Variants in RAPGEF6 observed in about 807,000 individuals in gnomAD.
RAPGEF6 encodes the protein Rap guanine nucleotide exchange factor 6.
RAPGEF6 carries 56 observed loss-of-function variants against 171.4 expected under a neutral mutation model. The observed-to-expected ratio is 0.33, with a 90% CI of 0.26 to 0.41. The LOEUF is 0.41. Among genes scored for constraint, RAPGEF6 ranks in the 10% least tolerant of loss-of-function variants. RAPGEF6 has a pLI of 1.00. For synonymous variants in RAPGEF6, 692 were observed against 650.1 expected, an observed-to-expected ratio of 1.06 and a Z score of -0.98; for missense variants, 1,674 against 1,921.4, an observed-to-expected ratio of 0.87 and a Z score of 2.41.
intron 24 of RAPGEF6, among the ~76,000 whole-genome samples, chr5:131,435,355 G>A (rs907206724): frequency 1.3e-5 from 2 of 152,142 alleles, no homozygotes; most frequent in African/African-American, 4.8e-5. Context: ...GACCAAGAAA[G>A]TGGATGTAAT....
intron 7 of RAPGEF6, among the ~76,000 whole-genome samples, chr5:131,516,451 A>T (rs1758091068): frequency 6.6e-6 from 1 of 152,146 alleles, no homozygotes; most frequent in Non-Finnish European, 1.5e-5. Flanking sequence ...TTCTGAAGAG[A>T]TTGGCACTCC....
Position 131,454,168 on chromosome 5 carries a change from G to T in RAPGEF6, c.3077-991C>A, listed in dbSNP as rs548784866. Among the ~76,000 whole-genome samples, 6 of 152,276 alleles carry T rather than the reference G, an allele frequency of 3.9e-5. No individual in the cohort carries two copies. In the South Asian group the frequency reaches 1.2e-3, roughly 32 times the overall value. On this transcript the variant is annotated intron_variant, in intron 20 of 27. Coordinates refer to ENST00000509018, the MANE Select transcript of RAPGEF6 (RefSeq NM_016340.6). ...AGTCCTTGTAAACCTCCAATGCTTGGTTGAAACTCTGAAGAGCTATATCCT... is the reference window on the plus strand; with the variant it reads ...AGTCCTTGTAAACCTCCAATGCTTGTTTGAAACTCTGAAGAGCTATATCCT...
chr5:131,465,082 TC>T (rs1416220106), intron 17 of RAPGEF6, among the ~76,000 whole-genome samples: 1 of 152,180 alleles, frequency 6.6e-6, no homozygotes, highest in African/African-American at 2.4e-5. Flanking sequence ...TTTTTTGGTA[TC>T]CCTTATGTTT....
chr5:131,568,992 TAAG>T (rs1762116466), intron 4 of RAPGEF6, among the ~76,000 whole-genome samples: 2 of 152,130 alleles, frequency 1.3e-5, no homozygotes, highest in Non-Finnish European at 2.9e-5. Flanking sequence ...ATAATCCTAT[TAAG>T]AAGAATAAAA....
At chr5:131,440,938 T>A (rs1228213997) in intron 23 of RAPGEF6, among the ~76,000 whole-genome samples, 1 of 152,132 alleles carries the variant, frequency 6.6e-6, no homozygotes, top group Non-Finnish European at 1.5e-5. Context: ...GTCCAGGCCC[T>A]GGGCAACTTC....
intron 6 of RAPGEF6, 54 bp from the exon 7 acceptor site, chr5:131,521,575 G>A: frequency 6.5e-7 from 1 of 1,537,980 alleles, no homozygotes; most frequent in Non-Finnish European, 8.8e-7. Flanking sequence ...ACCTTTTTAA[G>A]CGGTTTCGAC....
At chr5:131,559,845 AAAAAAAAAAAG>A (rs1307074355) in intron 5 of RAPGEF6, among the ~76,000 whole-genome samples, 2 of 149,016 alleles carry the variant, frequency 1.3e-5, no homozygotes, top group South Asian at 2.1e-4. Context: ...GAAAAAAAGA[AAAAAAAAAAAG>A]AAAAAAAAAA....
intron 4 of RAPGEF6, among the ~76,000 whole-genome samples, chr5:131,581,959 C>G (rs1282907861): frequency 6.6e-6 from 1 of 152,136 alleles, no homozygotes; most frequent in Non-Finnish European, 1.5e-5. Context: ...TTGTAACATC[C>G]TCCCAGCCCT....
intron 20 of RAPGEF6, among the ~76,000 whole-genome samples, chr5:131,454,196 G>A (rs562310756): frequency 6.6e-6 from 1 of 152,294 alleles, no homozygotes; most frequent in African/African-American, 2.4e-5. Context: ...TATATCCTGA[G>A]ACCAAGGATA....
chr5:131,605,700 T>C (rs1292858241), intron 1 of RAPGEF6, among the ~76,000 whole-genome samples: 1 of 151,956 alleles, frequency 6.6e-6, no homozygotes, highest in Non-Finnish European at 1.5e-5. Context: ...ACTTGTTTTC[T>C]AGTAGGTTAA....
intron 1 of RAPGEF6, among the ~76,000 whole-genome samples, chr5:131,617,316 A>C (rs911231328): frequency 2.1e-5 from 3 of 145,494 alleles, no homozygotes; most frequent in South Asian, 2.2e-4. Flanking sequence ...ACAAAAAAAA[A>C]CCCAATTTGG....
At position 131,542,080 on chromosome 5, in the gene RAPGEF6, G is replaced by A. The variant is rs148870373; in HGVS notation, c.495+5967C>T. ...TTGTTCAAAGTGAGTGATTCTGAGG[G>A]TAAATTTTAATTGTCTGATTGTTCT... On this transcript the variant is annotated intron_variant, in intron 6 of 27. Transcript: ENST00000509018. 3.9e-3 allele frequency among the ~76,000 whole-genome samples: 589 copies of A among 152,270 alleles called. 6 individuals are homozygous for A. The highest frequency in any genetic ancestry group is 0.014 in the African/African-American group (579 of 41,556).
At chr5:131,554,593 C>T (rs900992030) in intron 5 of RAPGEF6, among the ~76,000 whole-genome samples, 2 of 152,260 alleles carry the variant, frequency 1.3e-5, no homozygotes, top group East Asian at 1.9e-4. Flanking sequence ...AATCTTGGCT[C>T]GCTGCAACCT....
chr5:131,547,779 T>C (rs1581006359), intron 6 of RAPGEF6, among the ~76,000 whole-genome samples: 1 of 151,906 alleles, frequency 6.6e-6, no homozygotes, highest in Admixed American at 6.6e-5. Context: ...AAAGTGCTGA[T>C]ATTACAGGCA....
intron 4 of RAPGEF6, among the ~76,000 whole-genome samples, chr5:131,586,476 C>A (rs10477737): frequency 5.3e-5 from 8 of 152,040 alleles, no homozygotes. Context: ...ACTAAAAATA[C>A]AAAATTTAGT....
At chr5:131,554,787 G>A (rs913215734) in intron 5 of RAPGEF6, among the ~76,000 whole-genome samples, 3 of 152,172 alleles carry the variant, frequency 2.0e-5, no homozygotes, top group African/African-American at 7.2e-5. Context: ...GAAGTGCTGG[G>A]ATTACAGGAG....
At chr5:131,507,923 T>C (rs1318292551) in intron 9 of RAPGEF6, 148 bp downstream of exon 9, 2 of 737,578 alleles carry the variant, frequency 2.7e-6, no homozygotes, top group Non-Finnish European at 4.1e-6. Flanking sequence ...CTTCAGAAAT[T>C]GTAACTAACT....
chr5:131,521,938 T>C (rs978791530), intron 6 of RAPGEF6, among the ~76,000 whole-genome samples: 1 of 145,330 alleles, frequency 6.9e-6, no homozygotes, highest in Non-Finnish European at 1.5e-5. Flanking sequence ...CCCTCCCTCC[T>C]AATAAAAAAT....
intron 15 of RAPGEF6, among the ~76,000 whole-genome samples, chr5:131,484,539 T>C (rs1755741048): frequency 6.6e-6 from 1 of 152,094 alleles, no homozygotes; most frequent in Non-Finnish European, 1.5e-5. Flanking sequence ...CACTGATGAA[T>C]GAAGCATAGA....
Sources: gnomAD v4.1 joint callset for allele counts (sites outside exome capture counted in the v4.1 genomes callset) on GRCh38, gnomAD v4.1.1 for gene constraint, MANE v1.5 for transcripts, NCBI Gene and HGNC (gene_info 2026-07-23, HGNC 2026-07-21) for gene names.